The following CCSER1 variants were observed in gnomAD, a reference collection of about 807,000 sequenced individuals.
CCSER1 encodes serine-rich coiled-coil domain-containing protein 1.
In CCSER1, 41 loss-of-function variants were observed where a neutral mutation model predicts 82.0. That is an observed-to-expected ratio of 0.50 (90% CI 0.39 to 0.65). The LOEUF (loss-of-function observed/expected upper bound fraction) is 0.65. Among genes scored for constraint, CCSER1 ranks in the 30% least tolerant of loss-of-function variants. The pLI, the probability that CCSER1 is intolerant of heterozygous loss-of-function variation, is 0.00. For missense variants in CCSER1, 1,119 were observed against 1,064.2 expected, an observed-to-expected ratio of 1.05 and a Z score of -0.72; for synonymous variants, 414 against 383.9, an observed-to-expected ratio of 1.08 and a Z score of -0.92.
In CCSER1 at chr4:90,308,610, T is replaced by C. The variant is rs532947587; in HGVS notation, c.326T>C (p.Ile109Thr). 3 of 1,613,826 alleles carry C rather than the reference T, an allele frequency of 1.9e-6. No homozygotes were observed. The highest frequency in any genetic ancestry group is 2.2e-5 in the East Asian group (1 of 44,864). ...CAGAAACTGAGTTTGGAAGAACATA[T>C]TAAGACCAGGGGAAGACATTCTGTT... ...NMQKLSLEEH[I>T]KTRGRHSVGF... The change falls in exon 2 of 11, where the codon ATT (isoleucine) becomes ACT (threonine). Residue 109 changes from isoleucine (I) to threonine (T), a missense_variant. Transcript: ENST00000509176.
chr4:91,214,324 G>T (rs1581783154), intron 10 of CCSER1, among the ~76,000 whole-genome samples: 1 of 151,966 alleles, frequency 6.6e-6, no homozygotes, highest in Non-Finnish European at 1.5e-5. Flanking sequence ...TTTGTAATAG[G>T]TTACTTTTTG....
chr4:91,431,507 G>T (rs1754316318), intron 10 of CCSER1, among the ~76,000 whole-genome samples: 1 of 151,744 alleles, frequency 6.6e-6, no homozygotes, highest in Non-Finnish European at 1.5e-5. Flanking sequence ...CGCTCTTGTT[G>T]CCCGGGCTGG....
At chr4:91,517,002 C>T (rs1760163463) in intron 10 of CCSER1, among the ~76,000 whole-genome samples, 1 of 151,986 alleles carries the variant, frequency 6.6e-6, no homozygotes, top group Non-Finnish European at 1.5e-5. Context: ...TCTTGGCTTG[C>T]AGGTTGTTGA....
intron 5 of CCSER1, among the ~76,000 whole-genome samples, chr4:90,623,260 T>G (rs1722685209): frequency 6.6e-6 from 1 of 152,026 alleles, no homozygotes; most frequent in Non-Finnish European, 1.5e-5. Context: ...GGTCTCGATC[T>G]CCTGACCTCA....
intron 6 of CCSER1, among the ~76,000 whole-genome samples, chr4:90,716,080 A>G (rs913693648): frequency 2.6e-5 from 4 of 151,326 alleles, no homozygotes. Flanking sequence ...CCCTATATGT[A>G]TAAAAATAAA....
intron 10 of CCSER1, among the ~76,000 whole-genome samples, chr4:91,336,209 C>T (rs1310513976): frequency 6.6e-6 from 1 of 152,108 alleles, no homozygotes; most frequent in African/African-American, 2.4e-5. Context: ...TACTGCCCAG[C>T]ATAGTTATAT....
intron 10 of CCSER1, among the ~76,000 whole-genome samples, chr4:91,313,474 T>G (rs1045638654): frequency 2.0e-5 from 3 of 151,958 alleles, no homozygotes; most frequent in Admixed American, 2.0e-4. Flanking sequence ...TTCAAAACTC[T>G]TTTGGAGTTG....
chr4:90,852,127 A>G (rs966127738), intron 8 of CCSER1, among the ~76,000 whole-genome samples: 1 of 152,212 alleles, frequency 6.6e-6, no homozygotes, highest in Non-Finnish European at 1.5e-5. Context: ...AAATATAGGA[A>G]TAGCAGATAT....
chr4:91,418,851 T>G (rs746019238), intron 10 of CCSER1, among the ~76,000 whole-genome samples: 3 of 151,712 alleles, frequency 2.0e-5, no homozygotes, highest in Non-Finnish European at 4.4e-5. Flanking sequence ...CTCAAGAAAA[T>G]GCTAGCAAAC....
intron 3 of CCSER1, among the ~76,000 whole-genome samples, chr4:90,375,979 C>A (rs1276824815): frequency 6.6e-6 from 1 of 152,150 alleles, no homozygotes; most frequent in Non-Finnish European, 1.5e-5. Context: ...GGAGGAAAAA[C>A]AGTTGTAAAA....
rs1408230658 is a variant in CCSER1 at position 90,330,880 on chromosome 4, T to G, written c.1509+17833T>G. ...ATTTTTTTGATTCAGTGCAGTGGGG[T>G]TGAACATAAAAGATGCTTGAATCTT... On this transcript the variant is annotated intron_variant, in intron 3 of 10. Coordinates refer to ENST00000509176, the MANE Select transcript of CCSER1 (RefSeq NM_001145065.2). Among the ~76,000 whole-genome samples the G allele has an allele frequency of 2.6e-5, 4 of 152,136 alleles. 1 individual carries two copies. The highest frequency in any genetic ancestry group is 9.6e-5 in the African/African-American group (4 of 41,462).
intron 5 of CCSER1, among the ~76,000 whole-genome samples, chr4:90,513,725 G>A (rs1771869900): frequency 6.6e-6 from 1 of 152,100 alleles, no homozygotes; most frequent in Non-Finnish European, 1.5e-5. Flanking sequence ...AATTCTAGGA[G>A]ACTGGGCTTA....
intron 10 of CCSER1, among the ~76,000 whole-genome samples, chr4:91,482,873 T>G (rs1273381423): frequency 1.3e-5 from 2 of 151,856 alleles, no homozygotes; most frequent in South Asian, 2.1e-4. Context: ...ATGTTCTCAC[T>G]CATAGGTGGG....
intron 4 of CCSER1, among the ~76,000 whole-genome samples, chr4:90,430,978 T>G (rs1226214804): frequency 2.0e-5 from 3 of 152,030 alleles, no homozygotes; most frequent in Non-Finnish European, 2.9e-5. Flanking sequence ...ATTTTTCTCA[T>G]GCTGAACACA....
intron 5 of CCSER1, among the ~76,000 whole-genome samples, chr4:90,579,982 A>T (rs1413816920): frequency 6.6e-6 from 1 of 152,144 alleles, no homozygotes; most frequent in Non-Finnish European, 1.5e-5. Context: ...ATAGTAAGTG[A>T]AAATAAAAAA....
chr4:90,633,611 C>T (rs1368021241), intron 6 of CCSER1, among the ~76,000 whole-genome samples: 2 of 151,892 alleles, frequency 1.3e-5, no homozygotes, highest in Non-Finnish European at 2.9e-5. Flanking sequence ...TTTGTTTTCA[C>T]TGAACATCAT....
At chr4:91,331,748 T>G (rs2149277069) in intron 10 of CCSER1, among the ~76,000 whole-genome samples, 1 of 152,234 alleles carries the variant, frequency 6.6e-6, no homozygotes, top group African/African-American at 2.4e-5. Context: ...CCACTAGGCT[T>G]GTAAGCTCCA....
chr4:91,501,828 A>G (rs1213596936), intron 10 of CCSER1, among the ~76,000 whole-genome samples: 1 of 152,198 alleles, frequency 6.6e-6, no homozygotes, highest in African/African-American at 2.4e-5. Flanking sequence ...GAAAAATTAA[A>G]ACATGAGAAT....
intron 9 of CCSER1, among the ~76,000 whole-genome samples, chr4:90,962,472 TAAATTCA>T (rs1209626209): frequency 6.6e-6 from 1 of 152,174 alleles, no homozygotes; most frequent in Non-Finnish European, 1.5e-5. Flanking sequence ...TATTTTAATC[TAAATTCA>T]ATTTGACAGT....
Sources: allele counts gnomAD v4.1 joint callset (sites outside exome capture counted in the v4.1 genomes callset), GRCh38; gene constraint gnomAD v4.1.1; transcripts MANE v1.5; gene names NCBI Gene and HGNC (gene_info 2026-07-23, HGNC 2026-07-21).